NAALADL2: variants seen among roughly 807,000 people sequenced by gnomAD.
NAALADL2 encodes the protein inactive N-acetylated-alpha-linked acidic dipeptidase-like protein 2.
NAALADL2 carries 76 observed loss-of-function variants against 87.2 expected under a neutral mutation model. The ratio of observed to expected loss-of-function variants is 0.87; its 90% CI spans 0.72 to 1.05. The LOEUF (loss-of-function observed/expected upper bound fraction) is 1.05. Ranked by LOEUF, NAALADL2 falls within the 50% of genes least tolerant of loss-of-function variation. The probability of loss-of-function intolerance (pLI) is 0.00; values close to 1 mark genes in which losing one functional copy is unlikely to be tolerated. For synonymous variants in NAALADL2, 354 were observed against 331.0 expected, an observed-to-expected ratio of 1.07 and a Z score of -0.75; for missense variants, 1,089 against 945.8, an observed-to-expected ratio of 1.15 and a Z score of -1.99.
At chr3:175,715,308 G>A (rs9857501) in intron 11 of NAALADL2, among the ~76,000 whole-genome samples, 7,964 of 152,176 alleles carry the variant, frequency 0.052, 699 homozygotes, top group African/African-American at 0.18. Flanking sequence ...ACTCTGTTCA[G>A]TTGTTTATGG....
chr3:175,451,068 ACC>A (rs1388316502), intron 6 of NAALADL2, among the ~76,000 whole-genome samples: 1 of 151,854 alleles, frequency 6.6e-6, no homozygotes, highest in Non-Finnish European at 1.5e-5. Context: ...AGAAAAAGAA[ACC>A]CTTATTTATA....
chr3:175,167,403 TC>T (rs1210635871), intron 2 of NAALADL2, among the ~76,000 whole-genome samples: 1 of 152,080 alleles, frequency 6.6e-6, no homozygotes, highest in East Asian at 1.9e-4. Context: ...ATGTGTGGCT[TC>T]CAAAGCAATG....
At chr3:174,791,725 A>G (rs2109204581) in intron 3 of NAALADL2, among the ~76,000 whole-genome samples, 1 of 152,324 alleles carries the variant, frequency 6.6e-6, no homozygotes, top group East Asian at 1.9e-4. Context: ...CTTTTTTAAA[A>G]TTGTGAATAT....
intron 1 of NAALADL2, among the ~76,000 whole-genome samples, chr3:174,907,009 A>G (rs539375405): frequency 6.6e-6 from 1 of 152,196 alleles, no homozygotes; most frequent in South Asian, 2.1e-4. Context: ...TTAATAGTAA[A>G]AAATTTCACA....
intron 11 of NAALADL2, among the ~76,000 whole-genome samples, chr3:175,698,910 C>T (rs1350869294): frequency 6.6e-6 from 1 of 151,806 alleles, no homozygotes; most frequent in African/African-American, 2.4e-5. Flanking sequence ...AAGAAGAGTG[C>T]TAAGCACACA....
chr3:174,787,507 C>A (rs1716807738), intron 3 of NAALADL2, among the ~76,000 whole-genome samples: 1 of 142,094 alleles, frequency 7.0e-6, no homozygotes, highest in Admixed American at 7.4e-5. Context: ...TTCTTGACCT[C>A]AAGATTTGTT....
At chr3:174,649,757 A>G (rs1043098940) in intron 2 of NAALADL2, among the ~76,000 whole-genome samples, 13 of 152,232 alleles carry the variant, frequency 8.5e-5, no homozygotes, top group African/African-American at 2.9e-4. Context: ...ACCTAGCCTA[A>G]TTTTTCTCAA....
chr3:175,450,075 T>G (rs759758114), intron 6 of NAALADL2, among the ~76,000 whole-genome samples: 6 of 152,166 alleles, frequency 3.9e-5, no homozygotes, highest in Non-Finnish European at 8.8e-5. Flanking sequence ...TCTAAATATA[T>G]AATTCTATGT....
At chr3:175,641,854 G>A (rs565621798) in intron 11 of NAALADL2, among the ~76,000 whole-genome samples, 4 of 152,072 alleles carry the variant, frequency 2.6e-5, no homozygotes, top group Non-Finnish European at 5.9e-5. Flanking sequence ...AGCATAAAAA[G>A]TACACTTGTT....
chr3:175,434,439 T>G (rs546916818), intron 5 of NAALADL2, among the ~76,000 whole-genome samples: 1 of 152,112 alleles, frequency 6.6e-6, no homozygotes, highest in East Asian at 1.9e-4. Flanking sequence ...TGAGAAGTAC[T>G]TCATATATGC....
chr3:175,298,768 C>G (rs1189149977), intron 4 of NAALADL2, among the ~76,000 whole-genome samples: 1 of 152,000 alleles, frequency 6.6e-6, no homozygotes, highest in Non-Finnish European at 1.5e-5. Context: ...TGAACTTAAC[C>G]AAGAAAACAG....
At chr3:174,535,011 A>C (rs1454160283) in intron 1 of NAALADL2, among the ~76,000 whole-genome samples, 1 of 152,176 alleles carries the variant, frequency 6.6e-6, no homozygotes, top group African/African-American at 2.4e-5. Context: ...TGGTAATTTT[A>C]ATATGTAAGT....
At chr3:175,239,977 A>G (rs945720868) in intron 3 of NAALADL2, among the ~76,000 whole-genome samples, 27 of 152,220 alleles carry the variant, frequency 1.8e-4, no homozygotes, top group African/African-American at 6.5e-4. Context: ...TTAAGAAACT[A>G]CCAGAACATC....
intron 5 of NAALADL2, among the ~76,000 whole-genome samples, chr3:175,338,391 C>T (rs1452658554): frequency 1.3e-5 from 2 of 151,650 alleles, no homozygotes; most frequent in African/African-American, 4.8e-5. Flanking sequence ...TATTAAGATG[C>T]TGCAGGGCGG....
intron 5 of NAALADL2, among the ~76,000 whole-genome samples, chr3:175,332,604 A>G (rs1256976684): frequency 3.3e-5 from 5 of 152,122 alleles, no homozygotes; most frequent in Non-Finnish European, 5.9e-5. Context: ...CCTGGCTGTG[A>G]TTTTGATTTT....
intron 2 of NAALADL2, among the ~76,000 whole-genome samples, chr3:175,226,733 A>G (rs1217035666): frequency 2.0e-5 from 3 of 152,102 alleles, no homozygotes; most frequent in African/African-American, 4.8e-5. Context: ...ACAAGAAACC[A>G]TTGTTTCATT....
At chr3:174,480,311 G>A (rs9290501) in intron 1 of NAALADL2, among the ~76,000 whole-genome samples, 23,617 of 152,054 alleles carry the variant, frequency 0.16, 3,167 homozygotes, top group East Asian at 0.48. Context: ...TTGCCTTGAT[G>A]TGCGTTTCTT....
chr3:175,192,052 G>A (rs1738287688), intron 2 of NAALADL2, among the ~76,000 whole-genome samples: 2 of 152,044 alleles, frequency 1.3e-5, no homozygotes, highest in East Asian at 3.9e-4. Context: ...AATTTATTTG[G>A]GAATAAAACT....
chr3:175,666,569 G>A (rs1733027760), intron 11 of NAALADL2, among the ~76,000 whole-genome samples: 1 of 152,078 alleles, frequency 6.6e-6, no homozygotes, highest in Non-Finnish European at 1.5e-5. Context: ...CTTCTGGCTG[G>A]AAATTTAAAC....
Sources: allele counts gnomAD v4.1 joint callset (sites outside exome capture counted in the v4.1 genomes callset), GRCh38; gene constraint gnomAD v4.1.1; transcripts MANE v1.5; gene names NCBI Gene and HGNC (gene_info 2026-07-23, HGNC 2026-07-21).